Variants in UBQLN1 observed in about 807,000 individuals in gnomAD.
The protein encoded by UBQLN1 is ubiquilin 1.
A neutral mutation model predicts 65.4 loss-of-function variants in UBQLN1; 13 were observed. The ratio of observed to expected loss-of-function variants is 0.20; its 90% CI spans 0.13 to 0.32. The LOEUF (loss-of-function observed/expected upper bound fraction) is 0.32. UBQLN1 is among the 10% of genes least tolerant of loss of function. The probability of loss-of-function intolerance (pLI) is 1.00; values close to 1 mark genes in which losing one functional copy is unlikely to be tolerated. For missense variants in UBQLN1, 561 were observed against 724.0 expected, an observed-to-expected ratio of 0.77 and a Z score of 2.58; for synonymous variants, 267 against 247.8, an observed-to-expected ratio of 1.08 and a Z score of -0.73.
chr9:83,695,070 T>A (rs538917844), intron 1 of UBQLN1, among the ~76,000 whole-genome samples: 2 of 152,000 alleles, frequency 1.3e-5, no homozygotes, highest in Non-Finnish European at 2.9e-5. Context: ...AAGAAAATTG[T>A]GGGTGGTTGA....
At chr9:83,692,820 C>G (rs1247843326) in intron 1 of UBQLN1, among the ~76,000 whole-genome samples, 1 of 152,144 alleles carries the variant, frequency 6.6e-6, no homozygotes, top group Non-Finnish European at 1.5e-5. Flanking sequence ...CCATTGCACT[C>G]CAGCCTGGGC....
intron 1 of UBQLN1, among the ~76,000 whole-genome samples, chr9:83,689,388 A>AACTG (rs1031631481): frequency 6.6e-6 from 1 of 152,224 alleles, no homozygotes; most frequent in Admixed American, 6.5e-5. Flanking sequence ...ATCTCAGAGA[A>AACTG]ACTGACAGAC....
intron 1 of UBQLN1, among the ~76,000 whole-genome samples, chr9:83,701,468 A>C (rs57391609): frequency 0.039 from 5,988 of 152,206 alleles, 406 homozygotes; most frequent in African/African-American, 0.14. Context: ...ATCTCATGGT[A>C]CCCTTAACAG....
chr9:83,693,620 C>T (rs1404950590), intron 1 of UBQLN1, among the ~76,000 whole-genome samples: 1 of 152,112 alleles, frequency 6.6e-6, no homozygotes, highest in African/African-American at 2.4e-5. Flanking sequence ...ATGTGAAATG[C>T]TGCCCTGAAA....
chr9:83,696,576 T>C (rs969006265), intron 1 of UBQLN1, among the ~76,000 whole-genome samples: 1 of 152,008 alleles, frequency 6.6e-6, no homozygotes, highest in Non-Finnish European at 1.5e-5. Flanking sequence ...GAGATCAAGG[T>C]TGCAGTGAGC....
chr9:83,676,223 T>C (rs373472586), intron 6 of UBQLN1, among the ~76,000 whole-genome samples: 4 of 152,236 alleles, frequency 2.6e-5, no homozygotes, highest in East Asian at 1.9e-4. Flanking sequence ...GACAATCTGA[T>C]AGGCCAGCAG....
chr9:83,680,575 A>G (rs1055240076), intron 3 of UBQLN1, among the ~76,000 whole-genome samples: 2 of 152,166 alleles, frequency 1.3e-5, no homozygotes, highest in Non-Finnish European at 2.9e-5. Flanking sequence ...AATGAAAAGC[A>G]CATCTGAGTG....
At chr9:83,704,824 CA>C (rs780432842) in intron 1 of UBQLN1, among the ~76,000 whole-genome samples, 2,586 of 69,454 alleles carry the variant, frequency 0.037, 29 homozygotes, top group African/African-American at 0.099. Context: ...GACTCCATCT[CA>C]AAAAAAAAAA....
chr9:83,678,748 G>C, intron 4 of UBQLN1, 149 bp from the exon 5 acceptor site: 1 of 876,682 alleles, frequency 1.1e-6, no homozygotes, highest in Non-Finnish European at 1.7e-6. Context: ...ACGGAGTCTT[G>C]CTTTGTCGCC....
In UBQLN1 at chr9:83,671,920, G is replaced by A. The variant is rs533340185; in HGVS notation, c.1106-2593C>T. Among the ~76,000 whole-genome samples the A allele has an allele frequency of 3.9e-5, 6 of 152,334 alleles. No homozygotes were observed. The South Asian group carries it at 1.0e-3, about 26-fold the overall frequency. ...TTTTCACCTACATTAAAAACTGGTT[G>A]TTTCATGTGGCCACGTTCCTTGATG... On this transcript the variant is annotated intron_variant, in intron 6 of 10. Coordinates refer to ENST00000376395, the MANE Select transcript of UBQLN1 (RefSeq NM_013438.5).
chr9:83,693,953 G>C (rs993635893), intron 1 of UBQLN1, among the ~76,000 whole-genome samples: 2 of 152,132 alleles, frequency 1.3e-5, no homozygotes, highest in Admixed American at 1.3e-4. Context: ...AATTTCCTGG[G>C]CACAATTCAT....
intron 1 of UBQLN1, among the ~76,000 whole-genome samples, chr9:83,688,063 T>C (rs1017649229): frequency 6.6e-6 from 1 of 152,200 alleles, no homozygotes; most frequent in Non-Finnish European, 1.5e-5. Flanking sequence ...CTCCCATTAT[T>C]AGACATCTCA....
intron 2 of UBQLN1, among the ~76,000 whole-genome samples, chr9:83,685,149 T>C (rs944947): frequency 0.21 from 29,829 of 139,570 alleles, 3,170 homozygotes; most frequent in South Asian, 0.27. Flanking sequence ...AGCACCAAAA[T>C]AGAAGGAATA....
rs1831864784 is a variant in UBQLN1 at position 83,677,867 on chromosome 9, T to C, written c.965A>G (p.Asn322Ser). ...SRTENRDPLP[N>S]PWAPQTSQSS... ...CTGGGAAGTCTGTGGAGCCCATGGA[T>C]TGGGTAGTGGATCTCTATTTTCTGT... The change falls in exon 6 of 11, where the codon AAT becomes AGT. Residue 322 changes from asparagine (N) to serine (S), a missense_variant. This residue lies in a region of UBQLN1 where 89 missense variants were observed against 77.8 expected (regional missense o/e 1.14). Coordinates refer to ENST00000376395, the MANE Select transcript of UBQLN1 (RefSeq NM_013438.5). 2 of 1,613,988 alleles carry C rather than the reference T, an allele frequency of 1.2e-6. No individual in the cohort carries two copies. The highest frequency in any genetic ancestry group is 1.3e-5 in the African/African-American group (1 of 74,902).
intron 6 of UBQLN1, among the ~76,000 whole-genome samples, chr9:83,671,284 T>C (rs1293253780): frequency 2.0e-5 from 3 of 152,180 alleles, no homozygotes; most frequent in Non-Finnish European, 4.4e-5. Flanking sequence ...ATCCTCTCCA[T>C]GAATTAGGAA....
chr9:83,662,282 AC>A (rs1831573464), intron 10 of UBQLN1, among the ~76,000 whole-genome samples: 1 of 93,612 alleles, frequency 1.1e-5, no homozygotes, highest in Non-Finnish European at 2.3e-5. Context: ...ATACACACAC[AC>A]ACACACACAC....
chr9:83,684,508 G>T (rs959735089), intron 2 of UBQLN1, among the ~76,000 whole-genome samples: 3 of 151,742 alleles, frequency 2.0e-5, no homozygotes, highest in Non-Finnish European at 2.9e-5. Context: ...TTATTACTTA[G>T]TATTATCTCT....
chr9:83,703,026 T>C (rs980941800), intron 1 of UBQLN1, among the ~76,000 whole-genome samples: 1 of 152,116 alleles, frequency 6.6e-6, no homozygotes, highest in Non-Finnish European at 1.5e-5. Flanking sequence ...TAATTAGAAG[T>C]TACACAGAAA....
intron 1 of UBQLN1, among the ~76,000 whole-genome samples, chr9:83,694,236 A>G (rs187132008): frequency 6.6e-6 from 1 of 152,360 alleles, no homozygotes; most frequent in Non-Finnish European, 1.5e-5. Context: ...GCAGAATCAC[A>G]TATTAACAGC....
Sources: gnomAD v4.1 joint callset for allele counts (sites outside exome capture counted in the v4.1 genomes callset) on GRCh38, gnomAD v4.1.1 for gene constraint, gnomAD v4.1.1 regional missense constraint, MANE v1.5 for transcripts, NCBI Gene and HGNC (gene_info 2026-07-23, HGNC 2026-07-21) for gene names.